Variants in TESPA1 observed in about 807,000 individuals in gnomAD.
TESPA1 encodes protein TESPA1.
In TESPA1, 33 loss-of-function variants were observed where a neutral mutation model predicts 57.9. The observed-to-expected ratio is 0.57, with a 90% CI of 0.43 to 0.76. The LOEUF is 0.76. Ranked by LOEUF, TESPA1 falls within the 30% of genes least tolerant of loss-of-function variation. The pLI is 0.00. For missense variants in TESPA1, 618 were observed against 632.9 expected (o/e 0.98, Z 0.25); for synonymous variants, 227 against 228.9 (o/e 0.99, Z 0.07).
chr12:54,956,289 A>G (rs1213248959), intron 10 of TESPA1, among the ~76,000 whole-genome samples: 1 of 152,196 alleles, frequency 6.6e-6, no homozygotes, highest in African/African-American at 2.4e-5. Context: ...TGCTGCCACC[A>G]GCAGGGGTGA....
At chr12:54,983,518 C>T (rs1240824492) in intron 1 of TESPA1, among the ~76,000 whole-genome samples, 1 of 152,156 alleles carries the variant, frequency 6.6e-6, no homozygotes, top group East Asian at 1.9e-4. Flanking sequence ...CTACCTCCAA[C>T]CTCCCATCCT....
intron 1 of TESPA1, among the ~76,000 whole-genome samples, chr12:54,983,392 T>C (rs1952394578): frequency 6.6e-6 from 1 of 152,160 alleles, no homozygotes; most frequent in East Asian, 1.9e-4. Context: ...TAAACCTGAC[T>C]TCCCTTCTTC....
rs376066349 is a variant in TESPA1 at position 54,975,784 on chromosome 12, C to T, written c.-45-1177G>A. 2.1e-3 allele frequency among the ~76,000 whole-genome samples: 323 copies of T among 152,270 alleles called. 2 individuals carry two copies. The highest frequency in any genetic ancestry group is 3.5e-3 in the Non-Finnish European group (240 of 68,004). On this transcript the variant is annotated intron_variant, in intron 1 of 10. Transcript: ENST00000449076. ...TTAAAACCATTAGTGAGGCATCCAA[C>T]AAAATAGGCATTAAAATAGCTTTTT... is the stretch of plus-strand genomic sequence containing the variant.
At chr12:54,969,046 T>TATATATATATATATATATATATATACAC (rs71070858) in intron 3 of TESPA1, among the ~76,000 whole-genome samples, 4 of 124,482 alleles carry the variant, frequency 3.2e-5, no homozygotes, top group Admixed American at 9.2e-5. Context: ...TATATATATA[T>TATATATATATATATATATATATATACAC]GTGTGTGTGT....
At chr12:54,966,297 C>T in intron 6 of TESPA1, 91 bp downstream of exon 6, 3 of 1,596,924 alleles carry the variant, frequency 1.9e-6, no homozygotes, top group Non-Finnish European at 2.6e-6. Context: ...TAATGTGAAT[C>T]TTTAGCTCTT....
At chr12:54,953,566 A>G (rs57267448) in intron 10 of TESPA1, among the ~76,000 whole-genome samples, 28,595 of 147,192 alleles carry the variant, frequency 0.19, 4,878 homozygotes, top group East Asian at 0.84. Flanking sequence ...CGCCCACGCT[A>G]GAGTGCAGTG....
chr12:54,968,776 C>T (rs1481286861), intron 3 of TESPA1, among the ~76,000 whole-genome samples: 2 of 151,972 alleles, frequency 1.3e-5, no homozygotes, highest in African/African-American at 4.8e-5. Flanking sequence ...AATGTAATCT[C>T]AAGTGGAGGT....
Position 54,963,054 on chromosome 12 carries a change from G to C in TESPA1, c.844C>G (p.Arg282Gly). The C allele has an allele frequency of 6.2e-7, 1 of 1,613,942 alleles. No individual in the cohort carries two copies. Among genetic ancestry groups the C allele is most frequent in the Non-Finnish European group, 8.5e-7 (1 of 1,179,874 alleles). Residue 282 changes from arginine (R) to glycine (G), a missense_variant, in exon 9 of 11, where the codon CGC (arginine) becomes GGC (glycine). By Grantham distance (125) the Arg-to-Gly change is moderately radical (BLOSUM62 -2). Coordinates refer to ENST00000449076, the MANE Select transcript of TESPA1 (RefSeq NM_001136030.3). ...REPEPQSPRD[R>G]LRKAISKMCL... ...ATCTTGGAGATGGCTTTCCGAAGGC[G>C]GTCTCTGGGTGACTGGGGTTCAGGC...
At chr12:54,973,056 C>T (rs1304737194) in intron 3 of TESPA1, among the ~76,000 whole-genome samples, 3 of 152,222 alleles carry the variant, frequency 2.0e-5, no homozygotes, top group Admixed American at 6.5e-5. Flanking sequence ...TAAGCTTCTC[C>T]TGTGCTCTGC....
intron 10 of TESPA1, among the ~76,000 whole-genome samples, chr12:54,950,856 C>G (rs918736807): frequency 6.6e-6 from 1 of 152,112 alleles, no homozygotes; most frequent in Non-Finnish European, 1.5e-5. Context: ...AATGACCCCA[C>G]AGGAAAAAGA....
chr12:54,956,597 C>A (rs1183580139), intron 10 of TESPA1, among the ~76,000 whole-genome samples: 1 of 152,172 alleles, frequency 6.6e-6, no homozygotes, highest in Non-Finnish European at 1.5e-5. Flanking sequence ...TCTTTCCCAG[C>A]AGAGACTAAA....
intron 4 of TESPA1, 150 bp downstream of exon 4, chr12:54,967,693 C>T (rs571047020): frequency 1.3e-5 from 12 of 928,996 alleles, no homozygotes; most frequent in African/African-American, 5.0e-5. Context: ...CTTGTGACCA[C>T]GAATAGTGTT....
rs145986052 is a variant in TESPA1, at chr12:54,976,152, G to A, written c.-45-1545C>T. On this transcript the variant is annotated intron_variant, in intron 1 of 10. Transcript: ENST00000449076. ...TTGCTATTCTTTGGTCAGAGCTGTC[G>A]TGAGGAGATAATGTCCATTAAATCG... 2.3e-3 allele frequency among the ~76,000 whole-genome samples: 356 copies of A among 152,312 alleles called. 4 individuals carry two copies. The highest frequency in any genetic ancestry group is 8.4e-3 in the African/African-American group (349 of 41,566).
intron 1 of TESPA1, chr12:54,983,982 A>T (rs539272534): frequency 6.6e-6 from 1 of 152,290 alleles, no homozygotes; most frequent in Non-Finnish European, 1.5e-5. Context: ...CTCCCGGTGA[A>T]TTTGACCTTA....
chr12:54,960,636 T>C (rs1005092543), intron 10 of TESPA1, among the ~76,000 whole-genome samples: 2 of 152,194 alleles, frequency 1.3e-5, no homozygotes, highest in Non-Finnish European at 2.9e-5. Flanking sequence ...CAATCAATTA[T>C]CTAACCTAAA....
chr12:54,971,737 AATTAAAT>A (rs1328680397), intron 3 of TESPA1, among the ~76,000 whole-genome samples: 2 of 152,022 alleles, frequency 1.3e-5, no homozygotes, highest in African/African-American at 4.8e-5. Context: ...TAAAATAAAA[AATTAAAT>A]ATTAAAGATA....
chr12:54,950,082 T>C lies in TESPA1; in HGVS notation c.*310A>G. ...AATTAAGGCTTTGTTCAGTTTACTA[T>C]CATCCACATTATATATTTTAATACA... On this transcript the variant is annotated 3_prime_UTR_variant, in exon 11 of 11. Coordinates refer to ENST00000449076, the MANE Select transcript of TESPA1 (RefSeq NM_001136030.3). The C allele has an allele frequency of 3.6e-6, 1 of 279,444 alleles. No individual in the cohort carries two copies. Among genetic ancestry groups the C allele is most frequent in the Admixed American group, 4.6e-5 (1 of 21,926 alleles). The allele number at this position is 279,444 out of a possible 1,614,324, so 17.3% of individuals were successfully genotyped here.
In TESPA1 at chr12:54,966,149, C is replaced by A. The variant is rs1389521602; in HGVS notation, c.350G>T (p.Ser117Ile). 3.2e-6 allele frequency: 5 copies of A among 1,567,596 alleles called. No homozygotes were observed. Among genetic ancestry groups the A allele is most frequent in the Non-Finnish European group, 4.3e-6 (5 of 1,155,450 alleles). ...GCAAGGCCTGGCTGTCTCGAGGAAA[C>A]TCCTGCAGAGATCAAAGCTGATGTC... The part of the protein sequence containing the change: ...LAANGKLFSR[S>I]FLETARPCQL... The change falls in exon 7 of 11, where the codon AGT becomes ATT. Residue 117 changes from serine (S) to isoleucine (I), a missense_variant and splice_region_variant. Physicochemically the swap from Ser to Ile is moderately radical, Grantham distance 142 (BLOSUM62 -2). Around this residue, in one of 3 missense-constraint regions of TESPA1, gnomAD observed 199 missense variants for 184.0 expected, o/e 1.08. Transcript: ENST00000449076.
In TESPA1 at chr12:54,962,752, CAG is replaced by C; in HGVS notation, c.1144_1145del (p.Leu382GlyfsTer33). 1 of 1,613,834 alleles carries C rather than the reference CAG, an allele frequency of 6.2e-7. No individual in the cohort carries two copies. On this transcript the variant is annotated frameshift_variant, in exon 9 of 11. Transcript: ENST00000449076. LOFTEE classifies it high-confidence loss of function. The part of the protein sequence containing the change: ...MSTVLAPSQT[L>X]DSNPKVPCCT... ...AACAGGGTACCTTGGGGTTCGAATC[CAG>C]AGTTTGGGATGGTGCTAGCACTGTG...
Sources: gnomAD v4.1 joint callset for allele counts (sites outside exome capture counted in the v4.1 genomes callset) on GRCh38, gnomAD v4.1.1 for gene constraint, gnomAD v4.1.1 regional missense constraint, MANE v1.5 for transcripts, NCBI Gene and HGNC (gene_info 2026-07-23, HGNC 2026-07-21) for gene names.